The following EMC3 variants were observed in gnomAD, a reference collection of about 807,000 sequenced individuals.
EMC3 encodes ER membrane protein complex subunit 3, also known as 30 kDa protein.
A neutral mutation model predicts 36.6 loss-of-function variants in EMC3; 13 were observed. That is an observed-to-expected ratio of 0.35 (90% CI 0.23 to 0.56). The LOEUF (loss-of-function observed/expected upper bound fraction) is 0.56, where lower values mean the gene tolerates loss of function less well. Ranked by LOEUF, EMC3 falls within the 20% of genes least tolerant of loss-of-function variation. The probability of loss-of-function intolerance (pLI) is 0.84; values close to 1 mark genes in which losing one functional copy is unlikely to be tolerated. For synonymous variants in EMC3, 120 were observed against 111.9 expected (o/e 1.07, Z -0.46); for missense variants, 220 against 324.5 (o/e 0.68, Z 2.47).
At position 9,973,633 on chromosome 3, in the gene EMC3, T is replaced by G. The variant is rs377618670; in HGVS notation, c.489A>C (p.Ala163=). The stretch of plus-strand genomic sequence containing the variant: ...AAACAAAAGAAAGTTCTTACCAGGA[T>G]GCATCTAATGTGAGTAGCTCGATTC... The part of the protein sequence containing the change: ...QQGIELLTLD[A]SWVSSASWYF... Residue 163 remains alanine, a synonymous_variant, in exon 5 of 8, where the codon GCA becomes GCC. Coordinates refer to ENST00000245046, the MANE Select transcript of EMC3 (RefSeq NM_001394674.1). 1 of 1,613,884 alleles carries G rather than the reference T, an allele frequency of 6.2e-7. No homozygotes were observed. The highest frequency in any genetic ancestry group is 2.2e-5 in the East Asian group (1 of 44,898).
upstream of EMC3, among the ~76,000 whole-genome samples, chr3:9,987,490 T>TCCCGA (rs2085991519): frequency 6.6e-6 from 1 of 151,864 alleles, no homozygotes; most frequent in Admixed American, 6.6e-5. Flanking sequence ...GATGAACTAG[T>TCCCGA]CCAGGCAGTC....
At chr3:10,008,069 C>A (rs1193100940) in intron 1 of EMC3, among the ~76,000 whole-genome samples, 2 of 152,182 alleles carry the variant, frequency 1.3e-5, no homozygotes, top group Non-Finnish European at 2.9e-5. Context: ...TGTCCCTCCA[C>A]CCAATGCCAG....
upstream of EMC3, among the ~76,000 whole-genome samples, chr3:9,990,897 C>T (rs539044324): frequency 1.3e-3 from 199 of 151,806 alleles, 3 homozygotes; most frequent in African/African-American, 4.5e-3. Flanking sequence ...GGCACGATCT[C>T]GGCTCACTGC....
In EMC3 at chr3:9,966,372, G is replaced by A. The variant is rs372001897; in HGVS notation, c.658-2175C>T. On this transcript the variant is annotated intron_variant, in intron 7 of 7. Transcript: ENST00000245046. ...TGAGCAGCTGGGACTACAGGCGCCCGCCACCACGCCCGGCTAATTTTTGTA... is the reference window on the plus strand; with the variant it reads ...TGAGCAGCTGGGACTACAGGCGCCCACCACCACGCCCGGCTAATTTTTGTA... Among the ~76,000 whole-genome samples, 81 of 146,702 alleles carry A rather than the reference G, an allele frequency of 5.5e-4. 3 individuals are homozygous for A. Among genetic ancestry groups the A allele is most frequent in the Admixed American group, 1.9e-3 (28 of 14,714 alleles).
intron 7 of EMC3, chr3:9,968,513 A>C (rs13059144): frequency 0.23 from 34,291 of 152,168 alleles, 4,491 homozygotes; most frequent in African/African-American, 0.36. Context: ...CTGGACAATG[A>C]TGAATAGAAG....
At chr3:9,968,788 G>C (rs2085756782) in intron 7 of EMC3, 2 of 152,188 alleles carry the variant, frequency 1.3e-5, no homozygotes, top group South Asian at 4.1e-4. Context: ...GGGATTATAG[G>C]CACATGCCAC....
chr3:9,963,901 T>A lies in EMC3; in HGVS notation c.*168A>T. On this transcript the variant is annotated 3_prime_UTR_variant, in exon 8 of 8. Transcript: ENST00000245046. The stretch of plus-strand genomic sequence containing the variant: ...AGTTGCCCAGCATACTCCTATTTCC[T>A]CTAGTTTCAAACATAAAGGGGAACC... The A allele has an allele frequency of 9.3e-7, 1 of 1,073,360 alleles. No homozygotes were observed. Among genetic ancestry groups the A allele is most frequent in the Non-Finnish European group, 1.3e-6 (1 of 749,090 alleles). The allele number at this position is 1,073,360 out of a possible 1,614,324, so 66.5% of individuals were successfully genotyped here. A position where few individuals can be genotyped will look rare whatever the true frequency, so the allele number is the denominator to read the frequency against.
chr3:9,965,524 T>C (rs572497634), intron 7 of EMC3, among the ~76,000 whole-genome samples: 2 of 152,292 alleles, frequency 1.3e-5, no homozygotes, highest in Admixed American at 6.5e-5. Context: ...AGATATAATT[T>C]ACATGTCATA....
At chr3:10,007,771 A>C in intron 1 of EMC3, 1 of 809,298 alleles carries the variant, frequency 1.2e-6, no homozygotes, top group Non-Finnish European at 1.8e-6. Context: ...TGGGTTCCTA[A>C]TGAGCTTGAG....
At chr3:9,969,271 T>C in intron 7 of EMC3, 1 of 1,047,756 alleles carries the variant, frequency 9.5e-7, no homozygotes, top group Non-Finnish European at 1.2e-6. Context: ...GAACTTCCCT[T>C]CTCTTTTAGT....
chr3:9,986,498 G>A lies in EMC3; in HGVS notation c.155+9C>T, dbSNP rs112259555. 7 of 1,613,258 alleles carry A rather than the reference G, an allele frequency of 4.3e-6. No homozygotes were observed. In the African/African-American group the frequency reaches 5.3e-5, roughly 12 times the overall value. The stretch of plus-strand genomic sequence containing the variant: ...GTGTGAGGTAGGCTGGAGAAGGGAG[G>A]GCGCTGACCTGTCAGATACTTGTTC... On this transcript the variant is annotated intron_variant, in intron 1 of 7. Transcript: ENST00000245046.
At position 9,986,805 on chromosome 3, in the gene EMC3, C is replaced by G; in HGVS notation, c.-144G>C. On this transcript the variant is annotated 5_prime_UTR_variant, in exon 1 of 8. Coordinates refer to ENST00000245046, the MANE Select transcript of EMC3 (RefSeq NM_001394674.1). ...AACTCTCCTGCGACTGTGAGCCGAG[C>G]TTACTGCCTTCAGCTGGGCTGCCTG... is the stretch of plus-strand genomic sequence containing the variant. 1.4e-6 allele frequency: 2 copies of G among 1,445,136 alleles called. No individual in the cohort carries two copies. Among genetic ancestry groups the G allele is most frequent in the South Asian group, 3.0e-5 (2 of 67,518 alleles). The allele number at this position is 1,445,136 out of a possible 1,614,324, so 89.5% of individuals were successfully genotyped here.
chr3:9,992,360 A>G (rs1321746690), intron 1 of EMC3, among the ~76,000 whole-genome samples: 1 of 152,078 alleles, frequency 6.6e-6, no homozygotes, highest in Non-Finnish European at 1.5e-5. Context: ...TCCTAACCTC[A>G]GGTGATATGT....
intron 1 of EMC3, among the ~76,000 whole-genome samples, chr3:9,985,550 T>C (rs182088587): frequency 8.7e-4 from 133 of 152,320 alleles, no homozygotes; most frequent in African/African-American, 3.0e-3. Flanking sequence ...AGGGGCTACA[T>C]GTCTAGATAA....
At chr3:10,004,917 T>A (rs1250655373) in intron 1 of EMC3, 2 of 152,234 alleles carry the variant, frequency 1.3e-5, no homozygotes, top group African/African-American at 2.4e-5. Context: ...AGCATAGCTT[T>A]TAGAGGCAGG....
chr3:10,007,087 C>T, intron 1 of EMC3: 1 of 305,990 alleles, frequency 3.3e-6, no homozygotes, highest in Non-Finnish European at 6.4e-6. Flanking sequence ...GGGCTGTGCA[C>T]ACCCTAGTTT....
chr3:9,994,227 C>T (rs1575694888), intron 1 of EMC3: 2 of 1,575,058 alleles, frequency 1.3e-6, no homozygotes, highest in East Asian at 2.3e-5. Flanking sequence ...GTCGCTGGCT[C>T]AGAGTTTGCT....
chr3:9,969,285 T>C (rs1356913635), intron 7 of EMC3: 2 of 1,081,358 alleles, frequency 1.8e-6, no homozygotes, highest in Non-Finnish European at 2.3e-6. Context: ...TTTTAGTTTC[T>C]ATCATGAAAC....
Position 9,963,981 on chromosome 3 carries a change from T to C in EMC3, c.*88A>G. On this transcript the variant is annotated 3_prime_UTR_variant, in exon 8 of 8. Transcript: ENST00000245046. ...TGCCTGCCAGCTCGTGCATCCTCCTTTTTATTTCAAGAGGTGCCAGCTCCA... is the reference window on the plus strand; with the variant it reads ...TGCCTGCCAGCTCGTGCATCCTCCTCTTTATTTCAAGAGGTGCCAGCTCCA... 1.3e-6 allele frequency: 2 copies of C among 1,565,060 alleles called. No individual in the cohort carries two copies. Among genetic ancestry groups the C allele is most frequent in the South Asian group, 1.2e-5 (1 of 81,834 alleles).
Sources: allele counts gnomAD v4.1 joint callset (sites outside exome capture counted in the v4.1 genomes callset), GRCh38; gene constraint gnomAD v4.1.1; transcripts MANE v1.5; gene names NCBI Gene and HGNC (gene_info 2026-07-23, HGNC 2026-07-21).